The following DOCK4 variants were observed in gnomAD, a reference collection of about 807,000 sequenced individuals.
The protein encoded by DOCK4 is dedicator of cytokinesis 4, also known as dedicator of cytokinesis protein 4.
In DOCK4, 97 loss-of-function variants were observed where a neutral mutation model predicts 268.1. That is an observed-to-expected ratio of 0.36 (90% CI 0.31 to 0.43). The LOEUF (loss-of-function observed/expected upper bound fraction) is 0.43. DOCK4 is among the 20% of genes least tolerant of loss of function. The probability of loss-of-function intolerance (pLI) is 1.00; values close to 1 mark genes in which losing one functional copy is unlikely to be tolerated. For missense variants in DOCK4, 2,145 were observed against 2,455.7 expected (o/e 0.87, Z 2.67); for synonymous variants, 954 against 887.2 (o/e 1.08, Z -1.34).
At chr7:112,192,817 G>A (rs2116809904) in intron 1 of DOCK4, among the ~76,000 whole-genome samples, 1 of 152,076 alleles carries the variant, frequency 6.6e-6, no homozygotes, top group South Asian at 2.1e-4. Context: ...TCATCCAACA[G>A]AAGTTTTTCT....
intron 10 of DOCK4, among the ~76,000 whole-genome samples, chr7:111,940,469 T>C (rs1156857865): frequency 6.6e-6 from 1 of 152,178 alleles, no homozygotes; most frequent in Non-Finnish European, 1.5e-5. Context: ...TCAGTTGCCA[T>C]CTGTAAAATA....
At chr7:111,985,008 T>C (rs187056929) in intron 6 of DOCK4, among the ~76,000 whole-genome samples, 1 of 152,294 alleles carries the variant, frequency 6.6e-6, no homozygotes, top group Non-Finnish European at 1.5e-5. Flanking sequence ...CAGATTTCAT[T>C]GTGGCTGACA....
intron 16 of DOCK4, among the ~76,000 whole-genome samples, chr7:111,883,459 C>T (rs1243191081): frequency 6.6e-6 from 1 of 152,164 alleles, no homozygotes; most frequent in Non-Finnish European, 1.5e-5. Flanking sequence ...TTGGAGCCTG[C>T]CCTGGTCTAG....
Position 111,926,438 on chromosome 7 carries a change from C to G in DOCK4, c.1066+9102G>C, listed in dbSNP as rs533262339. Among the ~76,000 whole-genome samples the G allele has an allele frequency of 5.8e-3, 364 of 62,592 alleles. 2 individuals are homozygous for G. The highest frequency in any genetic ancestry group is 6.9e-3 in the Non-Finnish European group (208 of 29,988). 41.1% of individuals were successfully genotyped at this position (62,592 alleles called of 152,430 possible). A position where few individuals can be genotyped will look rare whatever the true frequency, so the allele number is the denominator to read the frequency against. On this transcript the variant is annotated intron_variant, in intron 12 of 52. Coordinates refer to ENST00000428084, the MANE Select transcript of DOCK4 (RefSeq NM_001363540.2). The stretch of plus-strand genomic sequence containing the variant: ...CAGCGAGACAAAGAAAAAAGAAAGA[C>G]AGAGAGAGAGAGAGAGAGAAAGAGA...
At chr7:111,923,700 C>A (rs997461357) in intron 12 of DOCK4, among the ~76,000 whole-genome samples, 1 of 152,202 alleles carries the variant, frequency 6.6e-6, no homozygotes, top group Non-Finnish European at 1.5e-5. Context: ...AATATTGCAG[C>A]TTACCCATGT....
intron 17 of DOCK4, 106 bp downstream of exon 17, chr7:111,876,924 T>A (rs1806939370): frequency 3.7e-6 from 4 of 1,093,120 alleles, no homozygotes; most frequent in Admixed American, 4.2e-5. Flanking sequence ...GGATCAATAA[T>A]TTTTCTAAAG....
At chr7:111,831,685 C>T (rs1802822461) in intron 26 of DOCK4, among the ~76,000 whole-genome samples, 1 of 151,954 alleles carries the variant, frequency 6.6e-6, no homozygotes, top group Non-Finnish European at 1.5e-5. Flanking sequence ...CAGGGTCTTG[C>T]CATATTGCCC....
chr7:112,140,115 C>T (rs1376779511), intron 1 of DOCK4, among the ~76,000 whole-genome samples: 1 of 152,072 alleles, frequency 6.6e-6, no homozygotes, highest in Non-Finnish European at 1.5e-5. Context: ...ATGGCTTTTC[C>T]CTCCCAAAAG....
intron 40 of DOCK4, among the ~76,000 whole-genome samples, chr7:111,759,536 G>C (rs147645947): frequency 0.01 from 1,536 of 152,278 alleles, 34 homozygotes; most frequent in African/African-American, 0.035. Flanking sequence ...GTCAGTGGAA[G>C]TTTTAAAAGT....
chr7:112,133,170 C>G (rs1813967091), intron 1 of DOCK4, among the ~76,000 whole-genome samples: 2 of 152,060 alleles, frequency 1.3e-5, no homozygotes, highest in Non-Finnish European at 2.9e-5. Flanking sequence ...GGAGAGGTGA[C>G]AGGCTATACT....
At chr7:111,822,537 T>C in intron 26 of DOCK4, 81 bp from the exon 27 acceptor site, 1 of 1,186,676 alleles carries the variant, frequency 8.4e-7, no homozygotes, top group Non-Finnish European at 1.2e-6. Context: ...GGCAGTACTG[T>C]TGTACTGTTA....
intron 27 of DOCK4, among the ~76,000 whole-genome samples, chr7:111,815,019 G>A (rs17158856): frequency 0.074 from 11,195 of 152,140 alleles, 1,398 homozygotes; most frequent in African/African-American, 0.26. Flanking sequence ...AACTTTTACA[G>A]TTCCTATAGT....
At chr7:112,142,676 T>G (rs1815048472) in intron 1 of DOCK4, among the ~76,000 whole-genome samples, 1 of 152,176 alleles carries the variant, frequency 6.6e-6, no homozygotes. Flanking sequence ...AAAGCTCACA[T>G]GTATTCTTTA....
chr7:111,975,992 C>A (rs1211696325), intron 8 of DOCK4, among the ~76,000 whole-genome samples: 1 of 149,824 alleles, frequency 6.7e-6, no homozygotes, highest in Non-Finnish European at 1.5e-5. Flanking sequence ...GGTGAAACCG[C>A]ATCTCTACTA....
At chr7:112,205,114 G>C (rs529833267) in intron 1 of DOCK4, among the ~76,000 whole-genome samples, 29 of 152,172 alleles carry the variant, frequency 1.9e-4, no homozygotes, top group Admixed American at 1.4e-3. Flanking sequence ...CAACAAAAAC[G>C]GGAACTGTAA....
At chr7:111,789,824 C>G (rs1799410727) in intron 31 of DOCK4, among the ~76,000 whole-genome samples, 1 of 152,156 alleles carries the variant, frequency 6.6e-6, no homozygotes, top group Non-Finnish European at 1.5e-5. Context: ...TGTGAACAGA[C>G]AGTAGGCCTA....
intron 1 of DOCK4, among the ~76,000 whole-genome samples, chr7:112,110,535 G>T (rs1454671924): frequency 6.6e-6 from 1 of 152,216 alleles, no homozygotes; most frequent in African/African-American, 2.4e-5. Flanking sequence ...GCCACATGGT[G>T]AACACGATCT....
intron 24 of DOCK4, among the ~76,000 whole-genome samples, chr7:111,846,634 A>G (rs12534231): frequency 0.19 from 28,825 of 152,158 alleles, 3,311 homozygotes; most frequent in African/African-American, 0.32. Context: ...ATCATGAAGT[A>G]GCCTTTCACA....
intron 42 of DOCK4, among the ~76,000 whole-genome samples, 173 bp downstream of exon 42, chr7:111,755,336 ATAATAT>A (rs1286524459): frequency 6.6e-6 from 1 of 152,144 alleles, no homozygotes; most frequent in Non-Finnish European, 1.5e-5. Flanking sequence ...ACACATTAGG[ATAATAT>A]TAATATTCAC....
Sources: gnomAD v4.1 joint callset for allele counts (sites outside exome capture counted in the v4.1 genomes callset) on GRCh38, gnomAD v4.1.1 for gene constraint, MANE v1.5 for transcripts, NCBI Gene and HGNC (gene_info 2026-07-23, HGNC 2026-07-21) for gene names.